The following RBFOX3 variants were observed in gnomAD, a reference collection of about 807,000 sequenced individuals.
RBFOX3 encodes RNA binding protein fox-1 homolog 3.
In RBFOX3, 17 loss-of-function variants were observed where a neutral mutation model predicts 48.7. The observed-to-expected ratio is 0.35, with a 90% confidence interval of 0.24 to 0.52. The LOEUF (loss-of-function observed/expected upper bound fraction) is 0.52, where lower values mean the gene tolerates loss of function less well. Ranked by LOEUF, RBFOX3 falls within the 20% of genes least tolerant of loss-of-function variation. The pLI, the probability that RBFOX3 is intolerant of heterozygous loss-of-function variation, is 0.94. For missense variants in RBFOX3, 382 were observed against 497.5 expected, an observed-to-expected ratio of 0.77 and a Z score of 2.21; for synonymous variants, 212 against 209.5, an observed-to-expected ratio of 1.01 and a Z score of -0.10.
intron 3 of RBFOX3, among the ~76,000 whole-genome samples, chr17:79,283,271 T>C (rs923128181): frequency 2.5e-4 from 36 of 144,644 alleles, no homozygotes; most frequent in South Asian, 6.5e-4. Context: ...TTTTCTTTTT[T>C]TTTTTTTTTT....
rs891512847 is a variant in RBFOX3, at chr17:79,363,656, C to T, written c.-174-55832G>A. 6.6e-6 allele frequency among the ~76,000 whole-genome samples: 1 copy of T among 152,136 alleles called. No homozygotes were observed. Among genetic ancestry groups the T allele is most frequent in the African/African-American group, 2.4e-5 (1 of 41,496 alleles). ...CTAGGGCCTTCGATTCCCTCCTTTC[C>T]TTGATGCCAGTATCCAGGCCACCAG... On this transcript the variant is annotated intron_variant, in intron 2 of 14. Coordinates refer to ENST00000693108, the MANE Select transcript of RBFOX3 (RefSeq NM_001350451.2). This position sits in a 1 kb window ranked among gnomAD's most constrained non-coding sequence, Gnocchi z 4.7.
intron 1 of RBFOX3, among the ~76,000 whole-genome samples, chr17:79,530,225 C>T (rs1360428760): frequency 3.9e-5 from 6 of 152,090 alleles, no homozygotes; most frequent in South Asian, 2.1e-4. Context: ...GTGGACTTTG[C>T]GGGGGCCAAG....
chr17:79,281,080 G>C (rs2070357991), intron 3 of RBFOX3, among the ~76,000 whole-genome samples: 2 of 152,252 alleles, frequency 1.3e-5, no homozygotes, highest in South Asian at 4.1e-4. Context: ...AAGTGCTTCT[G>C]AGCCAGACAT....
At chr17:79,606,620 A>G (rs922372220) in intron 1 of RBFOX3, among the ~76,000 whole-genome samples, 1 of 152,232 alleles carries the variant, frequency 6.6e-6, no homozygotes, top group Non-Finnish European at 1.5e-5. Context: ...CTAATTTACT[A>G]AGTGCATTGC....
intron 2 of RBFOX3, among the ~76,000 whole-genome samples, chr17:79,383,673 T>C (rs2060215500): frequency 6.6e-6 from 1 of 152,072 alleles, no homozygotes; most frequent in Admixed American, 6.6e-5. Context: ...GTCAGGAAAG[T>C]ACTAGAACAT....
At chr17:79,397,618 G>A (rs1331179116) in intron 2 of RBFOX3, among the ~76,000 whole-genome samples, 1 of 152,066 alleles carries the variant, frequency 6.6e-6, no homozygotes, top group Non-Finnish European at 1.5e-5. Context: ...GGCCAGGTGA[G>A]CTGGCCATAG....
At chr17:79,424,144 G>A (rs2066937448) in intron 2 of RBFOX3, 1 of 152,494 alleles carries the variant, frequency 6.6e-6, no homozygotes, top group Non-Finnish European at 1.5e-5. Context: ...TGCAGCCAGG[G>A]GCGGGTCTTA....
intron 4 of RBFOX3, among the ~76,000 whole-genome samples, chr17:79,223,627 G>A (rs1600097125): frequency 6.6e-6 from 1 of 152,176 alleles, no homozygotes; most frequent in African/African-American, 2.4e-5. Flanking sequence ...CGTGAGACAT[G>A]GAGAGGATGC....
chr17:79,588,375 G>A (rs1248450924), intron 1 of RBFOX3, among the ~76,000 whole-genome samples: 6 of 152,110 alleles, frequency 3.9e-5, no homozygotes, highest in African/African-American at 1.4e-4. Context: ...ATCCCACCAT[G>A]AAGACCAAAA....
rs894442865 is a variant in RBFOX3 at position 79,515,788 on chromosome 17, G to A, written c.-319-33190C>T. Among the ~76,000 whole-genome samples, 437 of 152,166 alleles carry A rather than the reference G, an allele frequency of 2.9e-3. 8 individuals are homozygous for A. The South Asian group carries it at 0.05, about 17-fold the overall frequency. ...CGAGGCTCCCGGCTGAGGTTGCACC[G>A]CTTCAGAGTCCGTCGCCACCCTTCA... On this transcript the variant is annotated intron_variant, in intron 1 of 14. Transcript: ENST00000693108.
intron 2 of RBFOX3, among the ~76,000 whole-genome samples, chr17:79,381,466 G>A (rs1237777158): frequency 1.3e-5 from 2 of 152,308 alleles, no homozygotes; most frequent in Admixed American, 1.3e-4. Context: ...CACTGTGAGT[G>A]CTGAGGAGCT....
chr17:79,521,826 TAA>T (rs1180926926), intron 1 of RBFOX3, among the ~76,000 whole-genome samples: 1 of 152,204 alleles, frequency 6.6e-6, no homozygotes, highest in Non-Finnish European at 1.5e-5. Flanking sequence ...TACATATCCT[TAA>T]GACACTTTTT....
chr17:79,376,103 C>A (rs1471440459), intron 2 of RBFOX3, among the ~76,000 whole-genome samples: 1 of 152,176 alleles, frequency 6.6e-6, no homozygotes, highest in Non-Finnish European at 1.5e-5. Context: ...GCCCAGCCGA[C>A]CCCCTCCCAG....
At chr17:79,432,525 TG>T (rs2068652735) in intron 2 of RBFOX3, among the ~76,000 whole-genome samples, 1 of 152,218 alleles carries the variant, frequency 6.6e-6, no homozygotes, top group South Asian at 2.1e-4. Context: ...GCCTTTTATT[TG>T]TGTGCAACCT....
chr17:79,436,375 G>A (rs568805134), intron 2 of RBFOX3, among the ~76,000 whole-genome samples: 2 of 152,366 alleles, frequency 1.3e-5, no homozygotes, highest in East Asian at 3.9e-4. Context: ...GCATGGCCCC[G>A]GGTGCACCTA....
At chr17:79,552,666 G>T (rs2091267801) in intron 1 of RBFOX3, among the ~76,000 whole-genome samples, 4 of 152,150 alleles carry the variant, frequency 2.6e-5, no homozygotes, top group African/African-American at 4.8e-5. Context: ...CTGACTTTAA[G>T]GCTTGGCTCC....
chr17:79,540,079 T>C (rs2089452440), intron 1 of RBFOX3, among the ~76,000 whole-genome samples: 1 of 152,224 alleles, frequency 6.6e-6, no homozygotes, highest in South Asian at 2.1e-4. Context: ...CCGTTTCCTC[T>C]CCTTCCTCAT....
rs548824678 is a variant in RBFOX3, at chr17:79,340,026, C to T, written c.-174-32202G>A. Among the ~76,000 whole-genome samples the T allele has an allele frequency of 7.2e-5, 11 of 152,312 alleles. No homozygotes were observed. In the East Asian group the frequency reaches 1.7e-3, roughly 24 times the overall value. ...TAAACTTCTGAGCATGGGCCGGGCACGGCGGCTCACACCTGTAATCCCAGC... is the reference window on the plus strand; with the variant it reads ...TAAACTTCTGAGCATGGGCCGGGCATGGCGGCTCACACCTGTAATCCCAGC... On this transcript the variant is annotated intron_variant, in intron 2 of 14. Transcript: ENST00000693108.
In RBFOX3 at chr17:79,471,627, C is replaced by A. The variant is rs1214007348; in HGVS notation, c.-175+10827G>T. 2.6e-5 allele frequency among the ~76,000 whole-genome samples: 4 copies of A among 152,196 alleles called. No individual in the cohort carries two copies. Among genetic ancestry groups the A allele is most frequent in the African/African-American group, 9.7e-5 (4 of 41,434 alleles). Reference sequence around the variant, plus strand: ...AGGCGCACACACACCTGTCACCTCTCCGTGGACTGCAGTGTTTAAAAGACA... The same window carrying A: ...AGGCGCACACACACCTGTCACCTCTACGTGGACTGCAGTGTTTAAAAGACA... On this transcript the variant is annotated intron_variant, in intron 2 of 14. Transcript: ENST00000693108. The surrounding 1 kb of genome is among the most constrained non-coding windows in gnomAD (Gnocchi z 4.0).
Sources: gnomAD v4.1 joint callset for allele counts (sites outside exome capture counted in the v4.1 genomes callset) on GRCh38, gnomAD v4.1.1 for gene constraint, Gnocchi (gnomAD v3.1) non-coding constraint, MANE v1.5 for transcripts, NCBI Gene and HGNC (gene_info 2026-07-23, HGNC 2026-07-21) for gene names.